The following LRRC4C variants were observed in gnomAD, a reference collection of about 807,000 sequenced individuals.
LRRC4C encodes leucine-rich repeat-containing protein 4C.
Under a neutral mutation model 33.6 loss-of-function variants are expected in LRRC4C, and 5 were observed. The ratio of observed to expected loss-of-function variants is 0.15; its 90% CI spans 0.08 to 0.31. The LOEUF (loss-of-function observed/expected upper bound fraction) is 0.31. Ranked by LOEUF, LRRC4C falls within the 10% of genes least tolerant of loss-of-function variation. The pLI is 1.00. For missense variants in LRRC4C, 560 were observed against 796.7 expected (o/e 0.70, Z 3.58); for synonymous variants, 329 against 302.0 (o/e 1.09, Z -0.93).
At chr11:41,115,443 G>A (rs1942066013) in intron 1 of LRRC4C, among the ~76,000 whole-genome samples, 1 of 150,496 alleles carries the variant, frequency 6.6e-6, no homozygotes, top group Non-Finnish European at 1.5e-5. Context: ...GCAGTAAAAT[G>A]GAGTCAACCA....
chr11:40,150,585 C>A (rs559394335), intron 5 of LRRC4C, among the ~76,000 whole-genome samples: 3 of 152,334 alleles, frequency 2.0e-5, no homozygotes, highest in African/African-American at 7.2e-5. Flanking sequence ...AACAGGCACA[C>A]ACCACCATGC....
At chr11:40,978,505 T>G (rs563529144) in intron 1 of LRRC4C, among the ~76,000 whole-genome samples, 1 of 152,314 alleles carries the variant, frequency 6.6e-6, no homozygotes, top group Non-Finnish European at 1.5e-5. Context: ...TTGCTAAACA[T>G]TCTACAGTAC....
intron 1 of LRRC4C, among the ~76,000 whole-genome samples, chr11:41,385,850 T>A (rs1953340659): frequency 6.6e-6 from 1 of 151,590 alleles, no homozygotes; most frequent in South Asian, 2.1e-4. Flanking sequence ...GATCAAACTT[T>A]AGAAACTAGA....
intron 3 of LRRC4C, among the ~76,000 whole-genome samples, chr11:40,415,527 T>C (rs1950296149): frequency 6.6e-6 from 1 of 152,136 alleles, no homozygotes; most frequent in African/African-American, 2.4e-5. Flanking sequence ...AAGATAAGTA[T>C]GTTACACAAT....
chr11:41,092,457 A>G (rs1940493529), intron 1 of LRRC4C, among the ~76,000 whole-genome samples: 1 of 152,178 alleles, frequency 6.6e-6, no homozygotes, highest in Non-Finnish European at 1.5e-5. Context: ...CTCAACAACT[A>G]TTTGTACAGT....
chr11:40,755,934 A>G (rs1414720870), intron 2 of LRRC4C, among the ~76,000 whole-genome samples: 5 of 152,116 alleles, frequency 3.3e-5, no homozygotes, highest in Admixed American at 6.6e-5. Flanking sequence ...GTATTTAGCA[A>G]TACGGCCTTT....
At chr11:41,093,327 T>A (rs993753517) in intron 1 of LRRC4C, among the ~76,000 whole-genome samples, 1 of 152,242 alleles carries the variant, frequency 6.6e-6, no homozygotes, top group African/African-American at 2.4e-5. Context: ...AAGGTAATAC[T>A]TTCCTTCATA....
chr11:40,204,494 C>T (rs1863000170), intron 5 of LRRC4C, among the ~76,000 whole-genome samples: 1 of 152,154 alleles, frequency 6.6e-6, no homozygotes, highest in Admixed American at 6.5e-5. Context: ...TTTGCAACCT[C>T]TCTCAAGGAC....
chr11:41,273,861 A>G (rs1460347476), intron 1 of LRRC4C, among the ~76,000 whole-genome samples: 1 of 152,218 alleles, frequency 6.6e-6, no homozygotes, highest in Non-Finnish European at 1.5e-5. Context: ...TCATCAAAAT[A>G]TATACATTAA....
intron 1 of LRRC4C, among the ~76,000 whole-genome samples, chr11:41,095,523 G>A (rs1940754723): frequency 6.6e-6 from 1 of 152,150 alleles, no homozygotes; most frequent in Non-Finnish European, 1.5e-5. Context: ...GATTGGAAGA[G>A]GAAACATGGA....
chr11:40,323,034 A>T (rs1945928410), intron 3 of LRRC4C, among the ~76,000 whole-genome samples: 1 of 152,224 alleles, frequency 6.6e-6, no homozygotes, highest in South Asian at 2.1e-4. Flanking sequence ...ATGAAATGAG[A>T]AAGTCACAAA....
At chr11:40,946,641 T>G (rs1187632989) in intron 1 of LRRC4C, among the ~76,000 whole-genome samples, 1 of 152,210 alleles carries the variant, frequency 6.6e-6, no homozygotes, top group African/African-American at 2.4e-5. Flanking sequence ...ATAGCCATTC[T>G]GACTGCTGCA....
rs551290786 is a variant in LRRC4C, at chr11:41,212,302, A to AG, written c.-496+247128dup. ...AGCTACTGTGTTAAGAAATTAATCA[A>AG]GGCTGCAAGACAGTGATGATTCAAC... On this transcript the variant is annotated intron_variant, in intron 1 of 6. Coordinates refer to ENST00000528697, the MANE Select transcript of LRRC4C (RefSeq NM_001258419.2). 2.7e-3 allele frequency among the ~76,000 whole-genome samples: 410 copies of AG among 152,382 alleles called. 8 individuals carry two copies. The highest frequency in any genetic ancestry group is 7.2e-4 in the Non-Finnish European group (49 of 68,042).
intron 2 of LRRC4C, among the ~76,000 whole-genome samples, chr11:40,693,379 G>A (rs1460353679): frequency 1.3e-5 from 2 of 152,128 alleles, no homozygotes; most frequent in Non-Finnish European, 2.9e-5. Context: ...CAGACATTGA[G>A]TTTTTAAAGG....
At chr11:40,139,607 C>T (rs1192861390) in intron 6 of LRRC4C, among the ~76,000 whole-genome samples, 1 of 152,078 alleles carries the variant, frequency 6.6e-6, no homozygotes, top group Non-Finnish European at 1.5e-5. Context: ...GGCCTCATGC[C>T]AATTATACCC....
intron 5 of LRRC4C, among the ~76,000 whole-genome samples, chr11:40,227,667 G>A (rs1224220944): frequency 6.6e-6 from 1 of 152,098 alleles, no homozygotes; most frequent in Non-Finnish European, 1.5e-5. Context: ...GTTGAGAGCA[G>A]AGGGTTATGG....
intron 2 of LRRC4C, among the ~76,000 whole-genome samples, chr11:40,891,852 G>C (rs1327081440): frequency 1.3e-5 from 2 of 152,012 alleles, no homozygotes; most frequent in African/African-American, 2.4e-5. Context: ...AAGTTCTTCG[G>C]GGGCTGGGCG....
intron 2 of LRRC4C, among the ~76,000 whole-genome samples, chr11:40,728,362 T>C (rs1444824614): frequency 1.3e-5 from 2 of 151,978 alleles, no homozygotes; most frequent in Middle Eastern, 3.4e-3. Context: ...TCCCAGCAAT[T>C]TGGGAGGCCG....
At chr11:41,234,369 G>T (rs1359714934) in intron 1 of LRRC4C, among the ~76,000 whole-genome samples, 2 of 151,800 alleles carry the variant, frequency 1.3e-5, no homozygotes, top group Admixed American at 6.6e-5. Context: ...CTTTTTTGGT[G>T]AGAATGCTTA....
Sources: gnomAD v4.1 joint callset for allele counts (sites outside exome capture counted in the v4.1 genomes callset) on GRCh38, gnomAD v4.1.1 for gene constraint, MANE v1.5 for transcripts, NCBI Gene and HGNC (gene_info 2026-07-23, HGNC 2026-07-21) for gene names.